Variants in RPSA2 observed in about 807,000 individuals in gnomAD.
RPSA2 encodes ribosomal protein SA 2.
chr19:23,861,140 T>A, the RPSA2 span, among the ~76,000 whole-genome samples: 3 of 152,316 alleles, frequency 2.0e-5, no homozygotes, highest in African/African-American at 7.2e-5. Flanking sequence ...TATCACATGT[T>A]ATGAACCACT....
the RPSA2 span, among the ~76,000 whole-genome samples, chr19:23,765,894 C>T: frequency 1.3e-5 from 2 of 152,112 alleles, no homozygotes; most frequent in African/African-American, 4.8e-5. Flanking sequence ...GTTCAACATA[C>T]CTGCCGTGTA....
the RPSA2 span, among the ~76,000 whole-genome samples, chr19:23,807,046 A>G: frequency 2.0e-5 from 3 of 152,198 alleles, no homozygotes; most frequent in Non-Finnish European, 1.5e-5. Context: ...TTTGATGTTA[A>G]TAACTCACTT....
the RPSA2 span, among the ~76,000 whole-genome samples, chr19:23,771,302 T>G: frequency 6.6e-6 from 1 of 152,334 alleles, no homozygotes; most frequent in East Asian, 1.9e-4. Flanking sequence ...GGTCAGTGTC[T>G]CTGAGACCAA....
the RPSA2 span, among the ~76,000 whole-genome samples, chr19:23,857,153 C>T: frequency 7.9e-5 from 12 of 152,098 alleles, no homozygotes; most frequent in African/African-American, 2.9e-4. Context: ...ATCAATATTC[C>T]TTGCTAGGAA....
chr19:23,780,228 A>G, the RPSA2 span, among the ~76,000 whole-genome samples: 1 of 152,192 alleles, frequency 6.6e-6, no homozygotes, highest in Non-Finnish European at 1.5e-5. Flanking sequence ...CATAGGACCC[A>G]GCAGACAGAT....
chr19:23,863,318 C>A, the RPSA2 span, among the ~76,000 whole-genome samples: 27 of 152,274 alleles, frequency 1.8e-4, no homozygotes, highest in African/African-American at 6.3e-4. Flanking sequence ...AATCTCAGCA[C>A]ATTGGGAGGC....
chr19:23,865,966 C>G, the RPSA2 span, among the ~76,000 whole-genome samples: 1 of 152,352 alleles, frequency 6.6e-6, no homozygotes, highest in South Asian at 2.1e-4. Flanking sequence ...ACTTGCTTAT[C>G]CACCAGTGCA....
chr19:23,817,023 C>CTTTAATTAA, the RPSA2 span, among the ~76,000 whole-genome samples: 2 of 152,208 alleles, frequency 1.3e-5, no homozygotes, highest in South Asian at 4.1e-4. Context: ...AAACAATATA[C>CTTTAATTAA]TTTAATGACA....
the RPSA2 span, among the ~76,000 whole-genome samples, chr19:23,824,681 G>T: frequency 2.2e-5 from 3 of 135,830 alleles, no homozygotes; most frequent in Admixed American, 2.5e-4. Context: ...TTACAGGCAT[G>T]AGCCATGGTG....
At chr19:23,827,178 A>G in the RPSA2 span, 1 of 946,220 alleles carries the variant, frequency 1.1e-6, no homozygotes, top group South Asian at 1.4e-5. Context: ...GGAGCCCTTG[A>G]TGTCCTGCAA....
At chr19:23,777,092 C>T in the RPSA2 span, among the ~76,000 whole-genome samples, 1 of 151,692 alleles carries the variant, frequency 6.6e-6, no homozygotes, top group Non-Finnish European at 1.5e-5. Flanking sequence ...TTGGCCTAGC[C>T]CCTAGGTTAT....
At chr19:23,797,621 G>A in the RPSA2 span, among the ~76,000 whole-genome samples, 2 of 152,052 alleles carry the variant, frequency 1.3e-5, no homozygotes, top group Non-Finnish European at 2.9e-5. Flanking sequence ...GTTGAGTTTA[G>A]GTTCTAATGT....
chr19:23,778,227 T>G, the RPSA2 span, among the ~76,000 whole-genome samples: 8 of 152,168 alleles, frequency 5.3e-5, no homozygotes, highest in African/African-American at 1.9e-4. Flanking sequence ...TTTTGTTTTG[T>G]TTTTGATGGA....
At chr19:23,871,005 A>T in the RPSA2 span, among the ~76,000 whole-genome samples, 1 of 152,126 alleles carries the variant, frequency 6.6e-6, no homozygotes, top group African/African-American at 2.4e-5. Flanking sequence ...CTACTGTTTA[A>T]AGAATGCTGT....
the RPSA2 span, among the ~76,000 whole-genome samples, chr19:23,843,950 G>A: frequency 6.6e-6 from 1 of 151,994 alleles, no homozygotes; most frequent in Non-Finnish European, 1.5e-5. Context: ...GTAGAGATGG[G>A]GTTTCTTCAT....
At chr19:23,871,129 G>A in the RPSA2 span, among the ~76,000 whole-genome samples, 1 of 152,296 alleles carries the variant, frequency 6.6e-6, no homozygotes, top group East Asian at 1.9e-4. Flanking sequence ...TTCACTAGAA[G>A]CAAGGAGCCC....
At chr19:23,779,339 C>G in the RPSA2 span, among the ~76,000 whole-genome samples, 1 of 152,232 alleles carries the variant, frequency 6.6e-6, no homozygotes, top group East Asian at 1.9e-4. Flanking sequence ...TAATAAGACT[C>G]TTCTCCATTG....
At chr19:23,790,549 G>A in the RPSA2 span, among the ~76,000 whole-genome samples, 148,696 of 152,018 alleles carry the variant, frequency 0.98, 72,815 homozygotes, top group Middle Eastern at 1. Flanking sequence ...TCCAGTCAGC[G>A]ACATTGGACT....
At chr19:23,769,097 CT>C in the RPSA2 span, among the ~76,000 whole-genome samples, 2 of 152,218 alleles carry the variant, frequency 1.3e-5, no homozygotes, top group African/African-American at 4.8e-5. Flanking sequence ...TAACATATAT[CT>C]GGGTCCATCG....
Sources: allele counts gnomAD v4.1 joint callset (sites outside exome capture counted in the v4.1 genomes callset), GRCh38; gene constraint gnomAD v4.1.1; transcripts MANE v1.5; gene names NCBI Gene and HGNC (gene_info 2026-07-23, HGNC 2026-07-21).